Variants in LARGE1 observed in about 807,000 individuals in gnomAD.
The protein encoded by LARGE1 is xylosyl- and glucuronyltransferase LARGE1.
A neutral mutation model predicts 87.6 loss-of-function variants in LARGE1; 43 were observed. The ratio of observed to expected loss-of-function variants is 0.49; its 90% CI spans 0.38 to 0.63. The LOEUF (loss-of-function observed/expected upper bound fraction) is 0.63. LARGE1 is among the 30% of genes least tolerant of loss of function. The pLI, the probability that LARGE1 is intolerant of heterozygous loss-of-function variation, is 0.00. For missense variants in LARGE1, 802 were observed against 1,000.2 expected (o/e 0.80, Z 2.67); for synonymous variants, 434 against 394.6 (o/e 1.10, Z -1.18).
chr22:33,249,316 T>C (rs1454843452), intron 11 of LARGE1, among the ~76,000 whole-genome samples: 1 of 152,252 alleles, frequency 6.6e-6, no homozygotes. Context: ...ACTTTTTATA[T>C]GTTTATTTAC....
chr22:33,226,726 ATTT>A lies in LARGE1; in HGVS notation c.1731-59897_1731-59895del, dbSNP rs201692382. Among the ~76,000 whole-genome samples, 1,136 of 115,122 alleles carry A rather than the reference ATTT, an allele frequency of 9.9e-3. 21 individuals carry two copies. The highest frequency in any genetic ancestry group is 0.042 in the African/African-American group (1,046 of 24,998). 75.5% of individuals were successfully genotyped at this position (115,122 alleles called of 152,430 possible). On this transcript the variant is annotated intron_variant, in intron 11 of 11. Transcript: ENST00000608642. Reference sequence around the variant, plus strand: ...CCTTTAAATTATTATTATTATTATTATTTATTATTATTTTTTTTTTTGAGACGG... The same window carrying A: ...CCTTTAAATTATTATTATTATTATTAATTATTATTTTTTTTTTTGAGACGG...
At chr22:33,228,222 A>C (rs1208264931) in intron 11 of LARGE1, among the ~76,000 whole-genome samples, 2 of 152,276 alleles carry the variant, frequency 1.3e-5, no homozygotes, top group Non-Finnish European at 2.9e-5. Flanking sequence ...GTAAGAGCTC[A>C]ATGAATGTTC....
At chr22:33,465,113 T>C (rs1569187549) in intron 6 of LARGE1, among the ~76,000 whole-genome samples, 1 of 152,252 alleles carries the variant, frequency 6.6e-6, no homozygotes, top group Non-Finnish European at 1.5e-5. Context: ...CTTATTCACA[T>C]GCATCAGTGA....
intron 1 of LARGE1, among the ~76,000 whole-genome samples, chr22:33,818,934 T>G (rs1399765940): frequency 6.6e-6 from 1 of 152,140 alleles, no homozygotes; most frequent in Non-Finnish European, 1.5e-5. Flanking sequence ...CACAACTAGA[T>G]TCTGATTAGG....
intron 6 of LARGE1, among the ~76,000 whole-genome samples, chr22:33,490,111 C>A (rs930230461): frequency 6.6e-6 from 1 of 152,198 alleles, no homozygotes; most frequent in Non-Finnish European, 1.5e-5. Context: ...ATTACTTGCT[C>A]CCTCAACTGG....
chr22:33,852,867 AAAAAAAAAAAAAG>A (rs1479954909), intron 1 of LARGE1, among the ~76,000 whole-genome samples: 16 of 105,022 alleles, frequency 1.5e-4, no homozygotes, highest in Admixed American at 7.7e-4. Flanking sequence ...AAAAAAAAAA[AAAAAAAAAAAAAG>A]AAAGAAAGAA....
chr22:33,147,206 T>C, the LARGE1 span, among the ~76,000 whole-genome samples: 1 of 152,352 alleles, frequency 6.6e-6, no homozygotes, highest in South Asian at 2.1e-4. Context: ...AAAGCAGTTA[T>C]ATACATTATT....
In LARGE1 at chr22:33,566,071, A is replaced by G. The variant is rs2078016655; in HGVS notation, c.616-1052T>C. ...CCACCTTCTCAGGATTCCAAAAAATATTGATCTCCTTTGACCTTACAAATA... is the reference window on the plus strand; with the variant it reads ...CCACCTTCTCAGGATTCCAAAAAATGTTGATCTCCTTTGACCTTACAAATA... On this transcript the variant is annotated intron_variant, in intron 5 of 14. Coordinates refer to ENST00000397394, the MANE Select transcript of LARGE1 (RefSeq NM_133642.5). Among the ~76,000 whole-genome samples the G allele has an allele frequency of 3.5e-5, 3 of 86,718 alleles. No individual in the cohort carries two copies. In the South Asian group the frequency reaches 1.9e-3, roughly 54 times the overall value. The allele number at this position is 86,718 out of a possible 152,430, so 56.9% of individuals were successfully genotyped here. A position where few individuals can be genotyped will look rare whatever the true frequency, so the allele number is the denominator to read the frequency against.
At chr22:33,117,659 TG>T in the LARGE1 span, among the ~76,000 whole-genome samples, 1 of 152,168 alleles carries the variant, frequency 6.6e-6, no homozygotes, top group African/African-American at 2.4e-5. Flanking sequence ...AGATGGTACA[TG>T]AGGACTTCGA....
At chr22:33,838,842 T>A (rs1352097126) in intron 1 of LARGE1, among the ~76,000 whole-genome samples, 1 of 152,046 alleles carries the variant, frequency 6.6e-6, no homozygotes, top group Non-Finnish European at 1.5e-5. Context: ...CAATCCATCT[T>A]ACCCGTGACG....
chr22:33,644,620 TTC>T (rs2080549583), intron 3 of LARGE1, among the ~76,000 whole-genome samples: 1 of 152,136 alleles, frequency 6.6e-6, no homozygotes, highest in Non-Finnish European at 1.5e-5. Flanking sequence ...GGAAGTGAAA[TTC>T]TCTCTGTTTG....
intron 1 of LARGE1, among the ~76,000 whole-genome samples, chr22:33,816,789 C>G (rs1003687527): frequency 3.9e-5 from 6 of 152,086 alleles, no homozygotes; most frequent in African/African-American, 1.4e-4. Context: ...GATTCAAATT[C>G]AGGCATATCT....
intron 9 of LARGE1, among the ~76,000 whole-genome samples, chr22:33,353,572 G>C (rs1281614210): frequency 6.6e-6 from 1 of 152,112 alleles, no homozygotes; most frequent in Non-Finnish European, 1.5e-5. Context: ...ATTTGCTATG[G>C]AATTAAATCA....
chr22:33,234,333 A>C (rs1389173706), intron 11 of LARGE1, among the ~76,000 whole-genome samples: 1 of 152,132 alleles, frequency 6.6e-6, no homozygotes, highest in African/African-American at 2.4e-5. Context: ...GCCTATCTTC[A>C]AAGGGAACAA....
intron 2 of LARGE1, among the ~76,000 whole-genome samples, chr22:33,759,390 C>T (rs982970459): frequency 2.0e-5 from 3 of 152,306 alleles, no homozygotes; most frequent in African/African-American, 7.2e-5. Context: ...AACTCAAGCT[C>T]TTGAGTCCAA....
At chr22:33,398,429 CTA>C (rs1298258026) in intron 7 of LARGE1, among the ~76,000 whole-genome samples, 1 of 152,182 alleles carries the variant, frequency 6.6e-6, no homozygotes, top group Non-Finnish European at 1.5e-5. Flanking sequence ...CTCTGCTTCT[CTA>C]TAGTCAATCT....
intron 2 of LARGE1, chr22:33,723,964 T>C (rs570131093): frequency 6.6e-6 from 1 of 152,432 alleles, no homozygotes; most frequent in South Asian, 2.1e-4. Flanking sequence ...GCTTCAGAAA[T>C]GGAACGATGC....
intron 1 of LARGE1, among the ~76,000 whole-genome samples, chr22:33,907,305 A>C (rs2065482814): frequency 6.6e-6 from 1 of 152,144 alleles, no homozygotes; most frequent in Non-Finnish European, 1.5e-5. Flanking sequence ...GGCAATACTA[A>C]ATATTCTAAC....
chr22:33,785,034 CATAT>C (rs372514407), intron 1 of LARGE1, among the ~76,000 whole-genome samples: 1 of 145,318 alleles, frequency 6.9e-6, no homozygotes, highest in South Asian at 2.1e-4. Context: ...TGTGTATATA[CATAT>C]ATGTGTATAC....
Sources: allele counts gnomAD v4.1 joint callset (sites outside exome capture counted in the v4.1 genomes callset), GRCh38; gene constraint gnomAD v4.1.1; transcripts MANE v1.5; gene names NCBI Gene and HGNC (gene_info 2026-07-23, HGNC 2026-07-21).